The following MYO7B variants were observed in gnomAD, a reference collection of about 807,000 sequenced individuals.
MYO7B encodes unconventional myosin-VIIb.
Under a neutral mutation model 259.7 loss-of-function variants are expected in MYO7B, and 212 were observed. That is an observed-to-expected ratio of 0.82 (90% confidence interval 0.73 to 0.91). The LOEUF is 0.91. MYO7B is among the 40% of genes least tolerant of loss of function. The probability of loss-of-function intolerance (pLI) is 0.00; values close to 1 mark genes in which losing one functional copy is unlikely to be tolerated. For missense variants in MYO7B, 2,732 were observed against 2,813.5 expected, an observed-to-expected ratio of 0.97 and a Z score of 0.66; for synonymous variants, 1,197 against 1,166.4, an observed-to-expected ratio of 1.03 and a Z score of -0.54.
chr2:127,626,144 G>C (rs558056752), intron 31 of MYO7B: 14 of 152,444 alleles, frequency 9.2e-5, no homozygotes, highest in African/African-American at 3.4e-4. Flanking sequence ...AGTGGTGCTG[G>C]GGAGAGGAAC....
At chr2:127,543,739 CAT>C (rs145974762) in intron 1 of MYO7B, among the ~76,000 whole-genome samples, 1 of 120,438 alleles carries the variant, frequency 8.3e-6, no homozygotes, top group Non-Finnish European at 1.7e-5. Flanking sequence ...TCTCTCTCTC[CAT>C]ATATATATAT....
intron 28 of MYO7B, 128 bp from the exon 29 acceptor site, chr2:127,623,074 C>G: frequency 8.7e-7 from 1 of 1,153,224 alleles, no homozygotes; most frequent in Non-Finnish European, 1.2e-6. Context: ...GAGGGCCCAC[C>G]CCTGGGAACC....
chr2:127,595,151 G>C (rs1009729393), intron 18 of MYO7B, among the ~76,000 whole-genome samples: 3 of 152,178 alleles, frequency 2.0e-5, no homozygotes, highest in African/African-American at 7.2e-5. Flanking sequence ...TTCAGAACTT[G>C]TTACTGATCT....
intron 1 of MYO7B, among the ~76,000 whole-genome samples, chr2:127,557,760 A>G (rs540603532): frequency 2.6e-5 from 4 of 152,218 alleles, no homozygotes; most frequent in Non-Finnish European, 5.9e-5. Context: ...ACCCTATTCA[A>G]CAAATGGTAC....
intron 1 of MYO7B, among the ~76,000 whole-genome samples, chr2:127,542,694 C>T (rs140713173): frequency 0.032 from 4,899 of 152,192 alleles, 135 homozygotes; most frequent in Admixed American, 0.057. Context: ...CCCAGGGGAC[C>T]GGTGCTCAGC....
chr2:127,560,266 A>G (rs1313774319), intron 2 of MYO7B, among the ~76,000 whole-genome samples: 2 of 152,024 alleles, frequency 1.3e-5, no homozygotes, highest in African/African-American at 4.8e-5. Context: ...GCTCAAAGCA[A>G]TCCACTAGCC....
intron 1 of MYO7B, among the ~76,000 whole-genome samples, chr2:127,549,160 CTTCCTTTCTT>C (rs1693352744): frequency 6.0e-5 from 1 of 16,694 alleles, no homozygotes; most frequent in African/African-American, 2.0e-4. Flanking sequence ...TCCTTCCTTC[CTTCCTTTCTT>C]TCTTTCTTTC....
At chr2:127,570,533 C>T (rs1447213944) in intron 6 of MYO7B, among the ~76,000 whole-genome samples, 1 of 152,210 alleles carries the variant, frequency 6.6e-6, no homozygotes, top group African/African-American at 2.4e-5. Context: ...GCCCAGAAGC[C>T]CGTGGCCTCG....
chr2:127,623,143 G>A, intron 28 of MYO7B, 59 bp from the exon 29 acceptor site: 1 of 1,585,568 alleles, frequency 6.3e-7, no homozygotes, highest in Non-Finnish European at 8.6e-7. Flanking sequence ...TGGATGGGGG[G>A]TTGGCCTCCT....
rs1678858556 is a variant in MYO7B at position 127,576,198 on chromosome 2, C to T, written c.736-397C>T. On this transcript the variant is annotated intron_variant, in intron 7 of 47. Coordinates refer to ENST00000409816, the MANE Select transcript of MYO7B (RefSeq NM_001393586.1). The surrounding 1 kb of genome is among the most constrained non-coding windows in gnomAD (Gnocchi z 4.9). The stretch of plus-strand genomic sequence containing the variant: ...TGGGTGACAGAGCAAGACCTTCTCT[C>T]GGAAAAAAAAAAAATACTGAAGGCC... 1.3e-5 allele frequency among the ~76,000 whole-genome samples: 2 copies of T among 149,854 alleles called. No homozygotes were observed. Among genetic ancestry groups the T allele is most frequent in the African/African-American group, 2.5e-5 (1 of 40,630 alleles).
rs1410456679 is a variant in MYO7B at position 127,599,290 on chromosome 2, TG to T, written c.2339+2735del. 3.9e-5 allele frequency among the ~76,000 whole-genome samples: 6 copies of T among 152,348 alleles called. No homozygotes were observed. The East Asian group carries it at 9.6e-4, about 24-fold the overall frequency. On this transcript the variant is annotated intron_variant, in intron 19 of 47. Coordinates refer to ENST00000409816, the MANE Select transcript of MYO7B (RefSeq NM_001393586.1). ...CTGTACATGTTTTATTAGATTTACA[TG>T]TTTTTTTTGGAATTATAAATGGTAC... is the stretch of plus-strand genomic sequence containing the variant.
Position 127,584,259 on chromosome 2 carries a change from C to G in MYO7B, c.1481C>G (p.Pro494Arg), listed in dbSNP as rs1440220283. Reference sequence around the variant, plus strand: ...TATATCCACTACACCGACAATCGGCCCACCCTGGACCTGCTGGCCCTCAAG... The same window carrying G: ...TATATCCACTACACCGACAATCGGCGCACCCTGGACCTGCTGGCCCTCAAG... ...WDYIHYTDNRPTLDLLALKPM... is the reference protein window; with the variant it reads ...WDYIHYTDNRRTLDLLALKPM... The change falls in exon 13 of 48, where the codon CCC becomes CGC. Residue 494 changes from proline (P) to arginine (R), a missense_variant. Pro to Arg is a moderately radical substitution (Grantham distance 103). Transcript: ENST00000409816. This position sits in a 1 kb window ranked among gnomAD's most constrained non-coding sequence, Gnocchi z 5.8. 1.2e-6 allele frequency: 2 copies of G among 1,614,016 alleles called. No homozygotes were observed. Among genetic ancestry groups the G allele is most frequent in the South Asian group, 1.1e-5 (1 of 91,084 alleles).
In MYO7B at chr2:127,607,100, A is replaced by G; in HGVS notation, c.2425-106A>G. ...CTAGCACCGGCCCTTTGCCAAAACA[A>G]AACTAACTGTAAATCTATCTTGCAC... On this transcript the variant is annotated intron_variant, in intron 20 of 47. Transcript: ENST00000409816. This position sits in a 1 kb window ranked among gnomAD's most constrained non-coding sequence, Gnocchi z 4.4. 1 of 1,139,656 alleles carries G rather than the reference A, an allele frequency of 8.8e-7. No individual in the cohort carries two copies. The highest frequency in any genetic ancestry group is 1.2e-6 in the Non-Finnish European group (1 of 812,888). The allele number at this position is 1,139,656 out of a possible 1,614,324, so 70.6% of individuals were successfully genotyped here.
Position 127,628,346 on chromosome 2 carries a change from C to G in MYO7B, c.4461-26C>G. ...GATCAGGGGAAGGTGGAGGGGGCTC[C>G]TGGTCACGCTGTCCTTCATCTCCAG... On this transcript the variant is annotated intron_variant, in intron 33 of 47. Coordinates refer to ENST00000409816, the MANE Select transcript of MYO7B (RefSeq NM_001393586.1). The surrounding 1 kb of genome is among the most constrained non-coding windows in gnomAD (Gnocchi z 4.8). The G allele has an allele frequency of 6.3e-7, 1 of 1,582,978 alleles. No homozygotes were observed. The highest frequency in any genetic ancestry group is 1.7e-4 in the Middle Eastern group (1 of 6,042).
chr2:127,632,313 C>T lies in MYO7B; in HGVS notation c.5317C>T (p.Leu1773=). ...CTGLFPPSKG[L]LPHAQKFIDT... is the part of the protein sequence containing the mutation. ...GGGCCTCTTCCCGCCCAGCAAGGGG[C>T]TGCTGCCCCATGCCCAGAAGTTTAT... Residue 1773 remains leucine (L), a synonymous_variant, in exon 39 of 48, where the codon CTG becomes TTG. Transcript: ENST00000409816. 6.2e-7 allele frequency: 1 copy of T among 1,610,340 alleles called. No individual in the cohort carries two copies. Among genetic ancestry groups the T allele is most frequent in the Non-Finnish European group, 8.5e-7 (1 of 1,178,950 alleles).
At position 127,627,331 on chromosome 2, in the gene MYO7B, T is replaced by A. The variant is rs1332410391; in HGVS notation, c.4460+21T>A. The A allele has an allele frequency of 1.2e-6, 2 of 1,611,630 alleles. No individual in the cohort carries two copies. The highest frequency in any genetic ancestry group is 1.7e-5 in the Admixed American group (1 of 59,878). The stretch of plus-strand genomic sequence containing the variant: ...AACAGGTGCGGGCCCTGAGGGAAGA[T>A]CTCTTCTTACACACTGAGTCCTTGT... On this transcript the variant is annotated intron_variant, in intron 33 of 47. Coordinates refer to ENST00000409816, the MANE Select transcript of MYO7B (RefSeq NM_001393586.1). The surrounding 1 kb of genome is among the most constrained non-coding windows in gnomAD (Gnocchi z 5.6).
chr2:127,608,869 G>A lies in MYO7B; in HGVS notation c.2805G>A (p.Pro935=), dbSNP rs544056771. Residue 935 remains proline, a synonymous_variant, in exon 22 of 48, where the codon CCG becomes CCA. Transcript: ENST00000409816. ...MIGGQEGQAS[P]HFEDLESKTQ... is the part of the protein sequence containing the mutation. ...GGGGCCAGGAGGGCCAGGCCTCGCC[G>A]CACTTTGAGGTAACACAAGCCTGGT... 12 of 1,611,910 alleles carry A rather than the reference G, an allele frequency of 7.4e-6. No individual in the cohort carries two copies. Among genetic ancestry groups the A allele is most frequent in the Admixed American group, 1.7e-5 (1 of 59,814 alleles).
At chr2:127,629,305 G>A (rs1681334451) in intron 34 of MYO7B, among the ~76,000 whole-genome samples, 1 of 152,220 alleles carries the variant, frequency 6.6e-6, no homozygotes, top group Admixed American at 6.5e-5. Context: ...TAGAGAGGCA[G>A]GCAGCACTCA....
At position 127,620,229 on chromosome 2, in the gene MYO7B, C is replaced by A. The variant is rs111811458; in HGVS notation, c.3399-111C>A. On this transcript the variant is annotated intron_variant, in intron 26 of 47. Coordinates refer to ENST00000409816, the MANE Select transcript of MYO7B (RefSeq NM_001393586.1). ...GCAGGGCCCCGGCGCTGGAGAGGTG[C>A]CCTGCATATGGGACCTCTCAGAGGT... 1.5e-3 allele frequency: 1,906 copies of A among 1,309,844 alleles called. 28 individuals are homozygous for A. The African/African-American group carries it at 0.022, about 15-fold the overall frequency. The allele number at this position is 1,309,844 out of a possible 1,614,324, so 81.1% of individuals were successfully genotyped here. A position where few individuals can be genotyped will look rare whatever the true frequency, so the allele number is the denominator to read the frequency against.
Sources: allele counts gnomAD v4.1 joint callset (sites outside exome capture counted in the v4.1 genomes callset), GRCh38; gene constraint gnomAD v4.1.1; non-coding constraint Gnocchi (gnomAD v3.1); transcripts MANE v1.5; gene names NCBI Gene and HGNC (gene_info 2026-07-23, HGNC 2026-07-21).